CD47: variants seen among roughly 807,000 people sequenced by gnomAD.
The protein encoded by CD47 is CD47 molecule, also known as leukocyte surface antigen CD47.
CD47 carries 11 observed loss-of-function variants against 44.6 expected under a neutral mutation model. The ratio of observed to expected loss-of-function variants is 0.25; its 90% CI spans 0.16 to 0.41. The LOEUF is 0.41. CD47 is among the 10% of genes least tolerant of loss of function. The pLI is 1.00. For synonymous variants in CD47, 140 were observed against 136.3 expected (o/e 1.03, Z -0.19); for missense variants, 306 against 386.7 (o/e 0.79, Z 1.75).
chr3:108,074,942 T>C (rs181625567), intron 2 of CD47, among the ~76,000 whole-genome samples: 2 of 152,348 alleles, frequency 1.3e-5, no homozygotes, highest in Non-Finnish European at 2.9e-5. Context: ...TATATGCCTA[T>C]TAAGCTATTG....
intron 1 of CD47, among the ~76,000 whole-genome samples, chr3:108,083,718 T>C (rs531011404): frequency 1.3e-5 from 2 of 152,154 alleles, no homozygotes; most frequent in South Asian, 2.1e-4. Context: ...ACATATTTCA[T>C]GTAAATGTTC....
At chr3:108,057,430 A>G (rs768055381) in intron 7 of CD47, 47 bp downstream of exon 7, 3 of 862,648 alleles carry the variant, frequency 3.5e-6, no homozygotes, top group Admixed American at 3.8e-5. Context: ...TCTAAGTGAT[A>G]TATCTGAAAT....
chr3:108,049,535 G>C (rs2078785795), intron 10 of CD47, 84 bp downstream of exon 10: 2 of 825,116 alleles, frequency 2.4e-6, no homozygotes, highest in Non-Finnish European at 4.2e-6. Context: ...TACTAAAAAA[G>C]AGCCACATTT....
intron 7 of CD47, among the ~76,000 whole-genome samples, chr3:108,056,222 A>G (rs1004654162): frequency 2.6e-5 from 4 of 152,246 alleles, no homozygotes; most frequent in Admixed American, 2.6e-4. Context: ...ATTCTGCTTT[A>G]GATGTCTCCA....
chr3:108,084,857 A>T (rs2079488610), intron 1 of CD47, among the ~76,000 whole-genome samples: 1 of 151,858 alleles, frequency 6.6e-6, no homozygotes, highest in Admixed American at 6.6e-5. Context: ...TTAGACACTC[A>T]TCCTCCCCCC....
intron 10 of CD47, among the ~76,000 whole-genome samples, chr3:108,048,376 T>TG (rs1208862699): frequency 1.1e-5 from 1 of 95,148 alleles, no homozygotes; most frequent in African/African-American, 3.9e-5. Context: ...GGAGTGTTTT[T>TG]TTTTTTTTTT....
chr3:108,050,677 G>A, intron 8 of CD47, 75 bp from the exon 9 acceptor site: 1 of 571,828 alleles, frequency 1.7e-6, no homozygotes, highest in South Asian at 2.5e-5. Context: ...ACTTATATAT[G>A]CTAATATTTA....
intron 4 of CD47, 131 bp from the exon 5 acceptor site, chr3:108,059,675 T>C: frequency 6.6e-6 from 3 of 453,076 alleles, no homozygotes; most frequent in Non-Finnish European, 1.2e-5. Context: ...ACAAAATTAG[T>C]GACTATTTTT....
chr3:108,087,644 T>C (rs2079548030), intron 1 of CD47, among the ~76,000 whole-genome samples: 1 of 152,164 alleles, frequency 6.6e-6, no homozygotes, highest in South Asian at 2.1e-4. Context: ...TGACAGGCCT[T>C]GAACTAGCCA....
Position 108,046,636 on chromosome 3 carries a change from C to A in CD47, c.*652G>T, listed in dbSNP as rs1382052425. 6.6e-6 allele frequency: 1 copy of A among 152,500 alleles called. No individual in the cohort carries two copies. The highest frequency in any genetic ancestry group is 2.4e-5 in the African/African-American group (1 of 41,410). The allele number at this position is 152,500 out of a possible 1,614,324, so 9.4% of individuals were successfully genotyped here. A position where few individuals can be genotyped will look rare whatever the true frequency, so the allele number is the denominator to read the frequency against. ...AAAGTACCCTAAATCTGGGAAGGAC[C>A]TGTTACACTGTTTGTTGAAGGGGGA... On this transcript the variant is annotated 3_prime_UTR_variant, in exon 11 of 11. Transcript: ENST00000361309.
At chr3:108,065,660 A>T (rs2079091350) in intron 3 of CD47, among the ~76,000 whole-genome samples, 2 of 151,822 alleles carry the variant, frequency 1.3e-5, no homozygotes, top group South Asian at 4.2e-4. Context: ...AAAATACAAA[A>T]ATTACCCAGG....
intron 3 of CD47, 113 bp downstream of exon 3, chr3:108,070,980 T>C: frequency 1.8e-6 from 1 of 561,250 alleles, no homozygotes. Flanking sequence ...CATACTCATA[T>C]TTATCATAAT....
chr3:108,067,176 C>T (rs1330807223), intron 3 of CD47, among the ~76,000 whole-genome samples: 1 of 152,198 alleles, frequency 6.6e-6, no homozygotes, highest in Non-Finnish European at 1.5e-5. Context: ...TACTATTTTT[C>T]ATTTCCCAAT....
intron 3 of CD47, among the ~76,000 whole-genome samples, chr3:108,065,460 G>A (rs939932552): frequency 3.3e-5 from 5 of 152,120 alleles, no homozygotes; most frequent in African/African-American, 1.2e-4. Flanking sequence ...AACAGAATGT[G>A]ATCATTATAT....
At chr3:108,050,416 C>T in intron 9 of CD47, among the ~76,000 whole-genome samples, 162 bp downstream of exon 9, 1 of 151,990 alleles carries the variant, frequency 6.6e-6, no homozygotes, top group South Asian at 2.1e-4. Context: ...GCACCCAGCC[C>T]ATAATTCTTG....
chr3:108,070,168 T>G (rs1157256379), intron 3 of CD47, among the ~76,000 whole-genome samples: 1 of 152,156 alleles, frequency 6.6e-6, no homozygotes, highest in Admixed American at 6.6e-5. Context: ...TGAGTAAAAG[T>G]AAAATTCATA....
intron 2 of CD47, among the ~76,000 whole-genome samples, chr3:108,077,782 C>A (rs1453520704): frequency 6.6e-6 from 1 of 152,024 alleles, no homozygotes; most frequent in Non-Finnish European, 1.5e-5. Flanking sequence ...GGGCATTGTG[C>A]TTAGTGAAAA....
chr3:108,049,596 T>A (rs1226945558), intron 10 of CD47, 23 bp downstream of exon 10: 8 of 1,438,960 alleles, frequency 5.6e-6, no homozygotes, highest in Non-Finnish European at 7.8e-6. Flanking sequence ...GATCTATAAT[T>A]ATTAAGTGCA....
rs1488385055 is a variant in CD47, at chr3:108,052,501, CTCTA to C, written c.878-535_878-532del. 4 of 154,262 alleles carry C rather than the reference CTCTA, an allele frequency of 2.6e-5. No homozygotes were observed. The East Asian group carries it at 5.7e-4, about 22-fold the overall frequency. 9.6% of individuals were successfully genotyped at this position (154,262 alleles called of 1,614,324 possible). ...AATACTCAGATAGCTCTGAGTATTC[CTCTA>C]TCTATTTCTTCTTAGCTTTCTGAGT... On this transcript the variant is annotated intron_variant, in intron 7 of 10. Transcript: ENST00000361309.
Sources: allele counts gnomAD v4.1 joint callset (sites outside exome capture counted in the v4.1 genomes callset), GRCh38; gene constraint gnomAD v4.1.1; transcripts MANE v1.5; gene names NCBI Gene and HGNC (gene_info 2026-07-23, HGNC 2026-07-21).